Variants in CACNA2D4 observed in about 807,000 individuals in gnomAD.
CACNA2D4 encodes the protein voltage-dependent calcium channel subunit alpha-2/delta-4.
CACNA2D4 carries 157 observed loss-of-function variants against 163.8 expected under a neutral mutation model. The observed-to-expected ratio is 0.96, with a 90% CI of 0.84 to 1.09. The LOEUF (loss-of-function observed/expected upper bound fraction) is 1.09, where lower values mean the gene tolerates loss of function less well. CACNA2D4 is among the 50% of genes least tolerant of loss of function. The probability of loss-of-function intolerance (pLI) is 0.00; values close to 1 mark genes in which losing one functional copy is unlikely to be tolerated. For missense variants in CACNA2D4, 1,410 were observed against 1,479.9 expected, an observed-to-expected ratio of 0.95 and a Z score of 0.78; for synonymous variants, 598 against 586.9, an observed-to-expected ratio of 1.02 and a Z score of -0.27.
intron 18 of CACNA2D4, among the ~76,000 whole-genome samples, chr12:1,868,135 C>T (rs1323090393): frequency 6.6e-6 from 1 of 152,226 alleles, no homozygotes; most frequent in Non-Finnish European, 1.5e-5. Flanking sequence ...AGGGAAAGGA[C>T]ATCACCACCT....
chr12:1,799,838 G>T lies in CACNA2D4; in HGVS notation c.2975-143C>A. ...TGATGTCACACACAGAGCCAGGAGT[G>T]AGGGATGTGATGAGAGAAGGCCACG... On this transcript the variant is annotated intron_variant, in intron 33 of 37. Coordinates refer to ENST00000382722, the MANE Select transcript of CACNA2D4 (RefSeq NM_172364.5). The surrounding 1 kb of genome is among the most constrained non-coding windows in gnomAD (Gnocchi z 4.7). The T allele has an allele frequency of 7.7e-7, 1 of 1,293,620 alleles. No homozygotes were observed. The allele number at this position is 1,293,620 out of a possible 1,614,324, so 80.1% of individuals were successfully genotyped here. A position where few individuals can be genotyped will look rare whatever the true frequency, so the allele number is the denominator to read the frequency against.
chr12:1,884,019 A>C, intron 12 of CACNA2D4: 1 of 528,556 alleles, frequency 1.9e-6, no homozygotes, highest in South Asian at 3.2e-5. Flanking sequence ...TCCATGGCTT[A>C]CTTTGCTGAA....
Position 1,820,662 on chromosome 12 carries a change from GCCGCTGCTC to G in CACNA2D4, c.2552-8948_2552-8940del, listed in dbSNP as rs1347992634. The stretch of plus-strand genomic sequence containing the variant: ...TCCTGGTGCTGTGTGCTGCGTGCCA[GCCGCTGCTC>G]CCGCTGAGTGGAGACTCTGGCACCA... On this transcript the variant is annotated intron_variant, in intron 26 of 37. Coordinates refer to ENST00000382722, the MANE Select transcript of CACNA2D4 (RefSeq NM_172364.5). This position sits in a 1 kb window ranked among gnomAD's most constrained non-coding sequence, Gnocchi z 6.0. The G allele has an allele frequency of 6.6e-6, 1 of 152,366 alleles. No individual in the cohort carries two copies. The highest frequency in any genetic ancestry group is 2.4e-5 in the African/African-American group (1 of 41,462). 9.4% of individuals were successfully genotyped at this position (152,366 alleles called of 1,614,324 possible). A position where few individuals can be genotyped will look rare whatever the true frequency, so the allele number is the denominator to read the frequency against.
intron 29 of CACNA2D4, among the ~76,000 whole-genome samples, chr12:1,805,850 G>A (rs1410988817): frequency 1.3e-5 from 2 of 152,292 alleles, no homozygotes; most frequent in African/African-American, 4.8e-5. Flanking sequence ...ACACGTGCCA[G>A]GCTGGGATAG....
chr12:1,868,632 AC>A (rs1865705687), intron 18 of CACNA2D4, among the ~76,000 whole-genome samples: 1 of 152,076 alleles, frequency 6.6e-6, no homozygotes. Flanking sequence ...TGTCCTTACC[AC>A]ACACAGGCTA....
rs1430783752 is a variant in CACNA2D4 at position 1,884,232 on chromosome 12, C to T, written c.1351+11G>A. On this transcript the variant is annotated intron_variant, in intron 12 of 37. Coordinates refer to ENST00000382722, the MANE Select transcript of CACNA2D4 (RefSeq NM_172364.5). ...TGCAGGTGGGAAGGTACCTGCTGGC[C>T]CGGCACTCACCTTTGTTGTTGCATG... 6.2e-7 allele frequency: 1 copy of T among 1,609,970 alleles called. No individual in the cohort carries two copies. Among genetic ancestry groups the T allele is most frequent in the East Asian group, 2.2e-5 (1 of 44,844 alleles).
At position 1,846,663 on chromosome 12, in the gene CACNA2D4, G is replaced by C; in HGVS notation, c.2273C>G (p.Ala758Gly). Residue 758 changes from alanine to glycine, a missense_variant, in exon 24 of 38, where the codon GCC becomes GGC. By Grantham distance (60) the Ala-to-Gly change is moderately conservative. Coordinates refer to ENST00000382722, the MANE Select transcript of CACNA2D4 (RefSeq NM_172364.5). Reference protein sequence around the residue: ...SEESEHVVDMAFLGTRAGLLR... With the variant: ...SEESEHVVDMGFLGTRAGLLR... ...GAGGCCAGCCCGGGTGCCCAGGAAG[G>C]CCATGTCCACCACGTGTTCAGACTC... 1.2e-6 allele frequency: 2 copies of C among 1,602,086 alleles called. No individual in the cohort carries two copies. Among genetic ancestry groups the C allele is most frequent in the Non-Finnish European group, 1.7e-6 (2 of 1,176,466 alleles).
At position 1,795,357 on chromosome 12, in the gene CACNA2D4, C is replaced by T. The variant is rs1272402970; in HGVS notation, c.3251G>A (p.Arg1084Gln). The T allele has an allele frequency of 6.2e-7, 1 of 1,611,990 alleles. No homozygotes were observed. The highest frequency in any genetic ancestry group is 8.5e-7 in the Non-Finnish European group (1 of 1,179,802). Reference protein sequence around the residue: ...VKYNASVKCDRMRSQKLRRRP... With the variant: ...VKYNASVKCDQMRSQKLRRRP... ...CCGGCGGAGCTTCTGGGAGCGCATC[C>T]GGTCACATTTGACAGAGGCATTATG... The change falls in exon 37 of 38, where the codon CGG (arginine) becomes CAG (glutamine). Residue 1084 changes from arginine to glutamine, a missense_variant. Arg to Gln is a conservative substitution (Grantham distance 43). Coordinates refer to ENST00000382722, the MANE Select transcript of CACNA2D4 (RefSeq NM_172364.5).
intron 36 of CACNA2D4, 56 bp downstream of exon 36, chr12:1,795,608 TACAG>T: frequency 1.6e-6 from 2 of 1,233,012 alleles, no homozygotes; most frequent in South Asian, 2.4e-5. Flanking sequence ...ATCTGAGCCC[TACAG>T]ACACCTCCTA....
chr12:1,830,838 G>C (rs1185799501), intron 26 of CACNA2D4: 2 of 1,027,996 alleles, frequency 1.9e-6, no homozygotes, highest in African/African-American at 3.2e-5. Flanking sequence ...AGGAGATAAA[G>C]CCAAGAGCCT....
In CACNA2D4 at chr12:1,844,234, T is replaced by C. The variant is rs898026311; in HGVS notation, c.2470+168A>G. Among the ~76,000 whole-genome samples the C allele has an allele frequency of 1.3e-5, 2 of 152,114 alleles. No individual in the cohort carries two copies. Among genetic ancestry groups the C allele is most frequent in the African/African-American group, 4.8e-5 (2 of 41,400 alleles). On this transcript the variant is annotated intron_variant, in intron 25 of 37. Transcript: ENST00000382722. The surrounding 1 kb of genome is among the most constrained non-coding windows in gnomAD (Gnocchi z 4.2). Reference sequence around the variant, plus strand: ...GTGGTGTGGGAAGGTGCCAATGAGCTTTTTTAAGTCACTAATGCATGCAGG... The same window carrying C: ...GTGGTGTGGGAAGGTGCCAATGAGCCTTTTTAAGTCACTAATGCATGCAGG...
Position 1,793,736 on chromosome 12 carries a change from G to C in CACNA2D4, c.3333C>G (p.Gly1111=). The C allele has an allele frequency of 6.2e-7, 1 of 1,613,138 alleles. No individual in the cohort carries two copies. The highest frequency in any genetic ancestry group is 8.5e-7 in the Non-Finnish European group (1 of 1,179,832). The change falls in exon 38 of 38, where the codon GGC becomes GGG. Residue 1111 remains glycine (G), a synonymous_variant. Transcript: ENST00000382722. ...GCGGCGAGGCTGAGGTGTCCGAGGC[G>C]CCGCCGCAGTCCTGGGCATTCTCCT... The part of the protein sequence containing the change: ...HPEENAQDCG[G]ASDTSASPPL...
At chr12:1,915,827 G>T (rs1427508992) in intron 1 of CACNA2D4, among the ~76,000 whole-genome samples, 1 of 152,230 alleles carries the variant, frequency 6.6e-6, no homozygotes, top group African/African-American at 2.4e-5. Flanking sequence ...TGGTTTGCCT[G>T]TGCGATCCTT....
Position 1,810,577 on chromosome 12 carries a change from A to G in CACNA2D4, c.2624T>C (p.Val875Ala), listed in dbSNP as rs759673697. The G allele has an allele frequency of 3.9e-6, 6 of 1,553,434 alleles. No homozygotes were observed. In the South Asian group the frequency reaches 5.9e-5, roughly 15 times the overall value. ...FWAATRQCST[V>A]DGPCTQSCED... is the part of the protein sequence containing the mutation. ...GCAGCTCTGTGTGCACGGCCCATCCACAGTGCTGCACTGGAAGGAAGAGGA... is the reference window on the plus strand; with the variant it reads ...GCAGCTCTGTGTGCACGGCCCATCCGCAGTGCTGCACTGGAAGGAAGAGGA... Residue 875 changes from valine (V) to alanine (A), a missense_variant, in exon 28 of 38, where the codon GTG becomes GCG. Val to Ala is a moderately conservative substitution (Grantham distance 64, BLOSUM62 0). Coordinates refer to ENST00000382722, the MANE Select transcript of CACNA2D4 (RefSeq NM_172364.5).
intron 18 of CACNA2D4, among the ~76,000 whole-genome samples, chr12:1,860,955 T>A (rs191399607): frequency 6.6e-6 from 1 of 152,222 alleles, no homozygotes; most frequent in African/African-American, 2.4e-5. Context: ...CACTTCGAGT[T>A]CTCATTTGTA....
chr12:1,800,596 A>C, intron 31 of CACNA2D4, 158 bp from the exon 32 acceptor site: 40 of 653,710 alleles, frequency 6.1e-5, no homozygotes, highest in Non-Finnish European at 9.7e-5. Flanking sequence ...AGCACCCCCC[A>C]TCCCCCCACC....
At chr12:1,796,495 A>G (rs1355130810) in intron 35 of CACNA2D4, among the ~76,000 whole-genome samples, 1 of 152,210 alleles carries the variant, frequency 6.6e-6, no homozygotes, top group Non-Finnish European at 1.5e-5. Flanking sequence ...CCAGTTTTCA[A>G]TTCAGGAGTG....
At chr12:1,793,996 C>T (rs567610188) in intron 37 of CACNA2D4, among the ~76,000 whole-genome samples, 42 of 152,226 alleles carry the variant, frequency 2.8e-4, no homozygotes, top group African/African-American at 9.1e-4. Context: ...GGAGTGGCTG[C>T]GAGGTCATCC....
chr12:1,857,982 C>A (rs1865436288), intron 20 of CACNA2D4, among the ~76,000 whole-genome samples: 1 of 152,124 alleles, frequency 6.6e-6, no homozygotes, highest in Non-Finnish European at 1.5e-5. Context: ...GGAGCAGAGA[C>A]TGAAGTGTGC....
Sources: gnomAD v4.1 joint callset for allele counts (sites outside exome capture counted in the v4.1 genomes callset) on GRCh38, gnomAD v4.1.1 for gene constraint, Gnocchi (gnomAD v3.1) non-coding constraint, MANE v1.5 for transcripts, NCBI Gene and HGNC (gene_info 2026-07-23, HGNC 2026-07-21) for gene names.